The following MMP1 variants were observed in gnomAD, a reference collection of about 807,000 sequenced individuals.
MMP1 encodes matrix metallopeptidase 1, also known as interstitial collagenase.
In MMP1, 51 loss-of-function variants were observed where a neutral mutation model predicts 49.6. The observed-to-expected ratio is 1.03, with a 90% CI of 0.82 to 1.30. The LOEUF (loss-of-function observed/expected upper bound fraction) is 1.30. Ranked by LOEUF, MMP1 falls within the 50% of genes most tolerant of loss-of-function variation. The pLI is 0.00. For missense variants in MMP1, 623 were observed against 568.7 expected, an observed-to-expected ratio of 1.10 and a Z score of -0.97; for synonymous variants, 230 against 196.8, an observed-to-expected ratio of 1.17 and a Z score of -1.41.
chr11:102,795,119 G>T, intron 6 of MMP1, 55 bp downstream of exon 6: 1 of 1,285,926 alleles, frequency 7.8e-7, no homozygotes, highest in Non-Finnish European at 1.1e-6. Flanking sequence ...TAATCATAGT[G>T]GTGAATGTTG....
Position 102,798,146 on chromosome 11 carries a change from T to C in MMP1, c.-54A>G. ...AGGTAAGTGATGGCTTCCCAGCCTCTTGCTGCTCCAATATCCCAGCTAGGA... is the reference window on the plus strand; with the variant it reads ...AGGTAAGTGATGGCTTCCCAGCCTCCTGCTGCTCCAATATCCCAGCTAGGA... On this transcript the variant is annotated 5_prime_UTR_variant, in exon 1 of 10. Transcript: ENST00000315274. 3 of 1,458,692 alleles carry C rather than the reference T, an allele frequency of 2.1e-6. No homozygotes were observed. Among genetic ancestry groups the C allele is most frequent in the Admixed American group, 3.8e-5 (2 of 52,910 alleles). The allele number at this position is 1,458,692 out of a possible 1,614,324, so 90.4% of individuals were successfully genotyped here.
chr11:102,790,953 G>A, intron 8 of MMP1, 147 bp from the exon 9 acceptor site: 1 of 622,512 alleles, frequency 1.6e-6, no homozygotes, highest in Non-Finnish European at 2.8e-6. Context: ...GGGATAAGGT[G>A]GAATGTTGGG....
intron 7 of MMP1, among the ~76,000 whole-genome samples, chr11:102,791,990 T>G (rs1278941913): frequency 6.6e-6 from 1 of 152,210 alleles, no homozygotes; most frequent in Non-Finnish European, 1.5e-5. Context: ...CCAGATTCCG[T>G]GTTTATACTC....
chr11:102,796,226 G>A (rs2134368400), intron 4 of MMP1, among the ~76,000 whole-genome samples: 1 of 152,366 alleles, frequency 6.6e-6, no homozygotes, highest in South Asian at 2.1e-4. Flanking sequence ...TGGGATTACA[G>A]GCATGAGCCA....
In MMP1 at chr11:102,794,447, G is replaced by A. The variant is rs906887900; in HGVS notation, c.899+727C>T. Among the ~76,000 whole-genome samples, 6 of 152,176 alleles carry A rather than the reference G, an allele frequency of 3.9e-5. No homozygotes were observed. The highest frequency in any genetic ancestry group is 7.3e-5 in the Non-Finnish European group (5 of 68,038). ...GGAATCACTATGGTACAGAGAGCAG[G>A]CCTCCTCCTTGCATGTGAGATGACC... On this transcript the variant is annotated intron_variant, in intron 6 of 9. Coordinates refer to ENST00000315274, the MANE Select transcript of MMP1 (RefSeq NM_002421.4). This position sits in a 1 kb window ranked among gnomAD's most constrained non-coding sequence, Gnocchi z 4.3.
At chr11:102,792,785 T>G (rs1368108867) in intron 6 of MMP1, 47 bp from the exon 7 acceptor site, 1 of 1,571,528 alleles carries the variant, frequency 6.4e-7, no homozygotes, top group East Asian at 2.2e-5. Context: ...TTTCTGGTAA[T>G]CTCTGGCAGA....
chr11:102,796,448 A>C (rs1264480015), intron 4 of MMP1, among the ~76,000 whole-genome samples: 1 of 152,232 alleles, frequency 6.6e-6, no homozygotes, highest in Non-Finnish European at 1.5e-5. Context: ...AATTTTCTTA[A>C]TAAAAATTTT....
intron 5 of MMP1, 75 bp downstream of exon 5, chr11:102,795,377 G>C (rs1489214417): frequency 6.2e-7 from 1 of 1,600,980 alleles, no homozygotes; most frequent in African/African-American, 1.3e-5. Flanking sequence ...CAAGGATATC[G>C]CTAATGGCTG....
chr11:102,795,147 G>T (rs1858144457), intron 6 of MMP1, 27 bp downstream of exon 6: 1 of 1,494,646 alleles, frequency 6.7e-7, no homozygotes, highest in South Asian at 1.1e-5. Flanking sequence ...TACAAATGCA[G>T]ATCACAAAGA....
intron 1 of MMP1, among the ~76,000 whole-genome samples, 177 bp from the exon 2 acceptor site, chr11:102,797,677 C>T (rs1858240517): frequency 6.6e-6 from 1 of 152,094 alleles, no homozygotes; most frequent in Non-Finnish European, 1.5e-5. Context: ...AGAAATGTCC[C>T]TACTATTAGT....
chr11:102,793,486 T>C (rs1287948023), intron 6 of MMP1, among the ~76,000 whole-genome samples: 1 of 152,224 alleles, frequency 6.6e-6, no homozygotes, highest in Non-Finnish European at 1.5e-5. Flanking sequence ...AATTTAACAG[T>C]CAGCTTTGGT....
chr11:102,796,934 A>G, intron 3 of MMP1, 80 bp downstream of exon 3: 2 of 1,545,532 alleles, frequency 1.3e-6, no homozygotes, highest in African/African-American at 1.4e-5. Flanking sequence ...ATCAACATTC[A>G]TCTTAAACAA....
intron 3 of MMP1, 102 bp downstream of exon 3, chr11:102,796,912 C>G (rs1008176431): frequency 2.0e-6 from 3 of 1,532,246 alleles, no homozygotes; most frequent in Admixed American, 3.9e-5. Context: ...TTTCCCTCTT[C>G]GAGCCCATAA....
At position 102,791,400 on chromosome 11, in the gene MMP1, TA is replaced by T; in HGVS notation, c.1128del (p.His376GlnfsTer39). ...TTTTCCTCAGAAAGAGCAGCATCGA[TA>T]TGCTTCACAGTTCTAGGGAAGCCAA... Reference protein sequence around the residue: ...SSFGFPRTVKHIDAALSEENT... With the variant: ...SSFGFPRTVKXIDAALSEENT... On this transcript the variant is annotated frameshift_variant, in exon 8 of 10. Coordinates refer to ENST00000315274, the MANE Select transcript of MMP1 (RefSeq NM_002421.4). LOFTEE classifies it high-confidence loss of function. 6.2e-7 allele frequency: 1 copy of T among 1,614,054 alleles called. No homozygotes were observed. Among genetic ancestry groups the T allele is most frequent in the Non-Finnish European group, 8.5e-7 (1 of 1,179,902 alleles).
At position 102,792,747 on chromosome 11, in the gene MMP1, A is replaced by G. The variant is rs56142712; in HGVS notation, c.900-9T>C. On this transcript the variant is annotated splice_polypyrimidine_tract_variant and intron_variant, in intron 6 of 9. Transcript: ENST00000315274. ...TTGTGCGCATGTAGAATCTGATTAG[A>G]AAAAAAGCAAGAAAAGTTTCCATCT... 1.3e-6 allele frequency: 2 copies of G among 1,591,014 alleles called. No homozygotes were observed. The highest frequency in any genetic ancestry group is 1.7e-6 in the Non-Finnish European group (2 of 1,167,860).
intron 7 of MMP1, among the ~76,000 whole-genome samples, chr11:102,792,307 C>T (rs1858052015): frequency 6.6e-6 from 1 of 152,096 alleles, no homozygotes; most frequent in South Asian, 2.1e-4. Flanking sequence ...TTTGAGTACT[C>T]CCAGGAATAT....
In MMP1 at chr11:102,795,232, T is replaced by C; in HGVS notation, c.841A>G (p.Lys281Glu). The change falls in exon 6 of 10, where the codon AAG becomes GAG. Residue 281 changes from lysine to glutamate, a missense_variant. Physicochemically the swap from Lys to Glu is moderately conservative, Grantham distance 56. Coordinates refer to ENST00000315274, the MANE Select transcript of MMP1 (RefSeq NM_002421.4). Reference protein sequence around the residue: ...GPQTPKACDSKLTFDAITTIR... With the variant: ...GPQTPKACDSELTFDAITTIR... ...GTAGTTATAGCATCAAAGGTTAGCTTACTGTCACACGCTTTTGGGGTTTGT... is the reference window on the plus strand; with the variant it reads ...GTAGTTATAGCATCAAAGGTTAGCTCACTGTCACACGCTTTTGGGGTTTGT... 6.2e-7 allele frequency: 1 copy of C among 1,614,142 alleles called. No homozygotes were observed. Among genetic ancestry groups the C allele is most frequent in the Non-Finnish European group, 8.5e-7 (1 of 1,180,012 alleles).
In MMP1 at chr11:102,790,738, A is replaced by G. The variant is rs762436328; in HGVS notation, c.1265T>C (p.Ile422Thr). 3 of 1,613,506 alleles carry G rather than the reference A, an allele frequency of 1.9e-6. No individual in the cohort carries two copies. The South Asian group carries it at 3.3e-5, about 18-fold the overall frequency. The change falls in exon 9 of 10, where the codon ATT becomes ACT. Residue 422 changes from isoleucine to threonine, a missense_variant. By Grantham distance (89) the Ile-to-Thr change is moderately conservative. Transcript: ENST00000315274. ...GAAAACTGCATCAACTTTGTGGCCAATTCCAGGAAAGTCATGTGCTATCAT... is the reference window on the plus strand; with the variant it reads ...GAAAACTGCATCAACTTTGTGGCCAGTTCCAGGAAAGTCATGTGCTATCAT... ...PKMIAHDFPG[I>T]GHKVDAVFMK...
In MMP1 at chr11:102,792,585, A is replaced by T. The variant is rs184756874; in HGVS notation, c.1033+20T>A. The T allele has an allele frequency of 9.9e-6, 16 of 1,611,514 alleles. No homozygotes were observed. In the African/African-American group the frequency reaches 2.1e-4, roughly 22 times the overall value. ...AAAAATTGATTTATTAAAGCAGTGA[A>T]AAATAATTAGAAAGATTACCTTTGA... On this transcript the variant is annotated intron_variant, in intron 7 of 9. Coordinates refer to ENST00000315274, the MANE Select transcript of MMP1 (RefSeq NM_002421.4).
Sources: allele counts gnomAD v4.1 joint callset (sites outside exome capture counted in the v4.1 genomes callset), GRCh38; gene constraint gnomAD v4.1.1; non-coding constraint Gnocchi (gnomAD v3.1); transcripts MANE v1.5; gene names NCBI Gene and HGNC (gene_info 2026-07-23, HGNC 2026-07-21).